Variants in RASGRF2 observed in about 807,000 individuals in gnomAD.
RASGRF2 encodes the protein Ras protein specific guanine nucleotide releasing factor 2, also known as ras-specific guanine nucleotide-releasing factor 2.
A neutral mutation model predicts 151.0 loss-of-function variants in RASGRF2; 76 were observed. That is an observed-to-expected ratio of 0.50 (90% CI 0.42 to 0.61). The LOEUF is 0.61. Ranked by LOEUF, RASGRF2 falls within the 20% of genes least tolerant of loss-of-function variation. The pLI is 0.00. For synonymous variants in RASGRF2, 504 were observed against 566.5 expected, an observed-to-expected ratio of 0.89 and a Z score of 1.57; for missense variants, 1,148 against 1,564.6, an observed-to-expected ratio of 0.73 and a Z score of 4.49.
chr5:80,994,637 ACTCTCCTGTGTGACTGC>A (rs759999231), intron 1 of RASGRF2, among the ~76,000 whole-genome samples: 12 of 152,056 alleles, frequency 7.9e-5, no homozygotes, highest in South Asian at 2.1e-4. Flanking sequence ...GGTATTGTGG[ACTCTCCTGTGTGACTGC>A]CTCTCCTGTG....
chr5:81,114,943 A>G (rs1288353786), intron 15 of RASGRF2: 1 of 152,214 alleles, frequency 6.6e-6, no homozygotes, highest in African/African-American at 2.4e-5. Flanking sequence ...TCAGCTTGGT[A>G]CGGTGTAGGG....
At chr5:81,137,075 A>G (rs1753772534) in intron 17 of RASGRF2, among the ~76,000 whole-genome samples, 1 of 152,288 alleles carries the variant, frequency 6.6e-6, no homozygotes, top group East Asian at 1.9e-4. Flanking sequence ...CAATGGCTCA[A>G]CTTACAACTT....
In RASGRF2 at chr5:81,059,018, T is replaced by G. The variant is rs531131069; in HGVS notation, c.396-9014T>G. ...ATTATTATTGTAATAGTTCCAACTC[T>G]TCCCCCTTCTCCTCTTGTGCTCCAC... On this transcript the variant is annotated intron_variant, in intron 2 of 26. Transcript: ENST00000265080. 1.2e-4 allele frequency among the ~76,000 whole-genome samples: 19 copies of G among 152,258 alleles called. No individual in the cohort carries two copies. In the South Asian group the frequency reaches 3.7e-3, roughly 30 times the overall value.
chr5:81,102,391 T>A (rs1011305832), intron 12 of RASGRF2, among the ~76,000 whole-genome samples: 1 of 152,152 alleles, frequency 6.6e-6, no homozygotes, highest in African/African-American at 2.4e-5. Flanking sequence ...TTTTTAAAAA[T>A]CTTCTTTTTA....
intron 1 of RASGRF2, among the ~76,000 whole-genome samples, chr5:80,971,567 A>ATTTT (rs775200485): frequency 2.9e-4 from 38 of 131,286 alleles, no homozygotes; most frequent in South Asian, 9.8e-4. Context: ...CACACCTGGT[A>ATTTT]TTTTTTTTTT....
At chr5:81,037,034 A>G (rs1750523010) in intron 1 of RASGRF2, among the ~76,000 whole-genome samples, 1 of 152,140 alleles carries the variant, frequency 6.6e-6, no homozygotes, top group Admixed American at 6.6e-5. Context: ...GAGCAAAGGG[A>G]TGTCTTACAT....
At chr5:81,034,213 G>A (rs1440801612) in intron 1 of RASGRF2, among the ~76,000 whole-genome samples, 4 of 152,116 alleles carry the variant, frequency 2.6e-5, no homozygotes, top group Admixed American at 2.0e-4. Flanking sequence ...CACCATCACT[G>A]GCCATCAGAG....
chr5:81,103,521 T>G (rs2112524394), intron 12 of RASGRF2, among the ~76,000 whole-genome samples: 1 of 152,096 alleles, frequency 6.6e-6, no homozygotes, highest in Middle Eastern at 3.4e-3. Context: ...TTCAAGGGAA[T>G]AGAAAAGATG....
intron 17 of RASGRF2, among the ~76,000 whole-genome samples, chr5:81,150,149 A>G (rs1754100695): frequency 6.6e-6 from 1 of 152,226 alleles, no homozygotes; most frequent in Non-Finnish European, 1.5e-5. Flanking sequence ...TAAGGGCCTT[A>G]GGGAGAATGG....
chr5:81,120,795 A>T (rs1253032809), intron 15 of RASGRF2, among the ~76,000 whole-genome samples: 3 of 152,236 alleles, frequency 2.0e-5, no homozygotes. Flanking sequence ...ATTGTGATTC[A>T]TATTGAAGGC....
chr5:81,085,090 C>T (rs975117803), intron 7 of RASGRF2, among the ~76,000 whole-genome samples: 5 of 152,130 alleles, frequency 3.3e-5, no homozygotes, highest in African/African-American at 7.2e-5. Flanking sequence ...GTCTAACCCC[C>T]GAGTGGGTAA....
At chr5:81,021,893 G>C (rs1042602167) in intron 1 of RASGRF2, among the ~76,000 whole-genome samples, 1 of 152,110 alleles carries the variant, frequency 6.6e-6, no homozygotes, top group Non-Finnish European at 1.5e-5. Context: ...GAAGTATGGG[G>C]ATCACTGATT....
In RASGRF2 at chr5:80,960,900, C is replaced by A; in HGVS notation, c.162C>A (p.Phe54Leu). Residue 54 changes from phenylalanine to leucine, a missense_variant, in exon 1 of 27, where the codon TTC becomes TTA. Physicochemically the swap from Phe to Leu is conservative, Grantham distance 22. Around this residue, in one of 5 missense-constraint regions of RASGRF2, gnomAD observed 221 missense variants for 271.3 expected, o/e 0.81. Transcript: ENST00000265080. This position sits in a 1 kb window ranked among gnomAD's most constrained non-coding sequence, Gnocchi z 5.5. ...FALYQNVLFYFEGEQSCRPAG... is the reference protein window; with the variant it reads ...FALYQNVLFYLEGEQSCRPAG... ...TCTACCAGAATGTGCTCTTCTACTT[C>A]GAGGGCGAGCAGAGCTGCCGCCCGG... 6.2e-7 allele frequency: 1 copy of A among 1,608,384 alleles called. No homozygotes were observed. Among genetic ancestry groups the A allele is most frequent in the Non-Finnish European group, 8.5e-7 (1 of 1,175,942 alleles).
intron 17 of RASGRF2, among the ~76,000 whole-genome samples, chr5:81,174,939 T>A (rs1754741143): frequency 6.6e-6 from 1 of 152,224 alleles, no homozygotes; most frequent in South Asian, 2.1e-4. Flanking sequence ...AATAGCCAAA[T>A]AGCGTCTTCT....
At chr5:80,968,819 G>C (rs769379688) in intron 1 of RASGRF2, among the ~76,000 whole-genome samples, 3 of 152,032 alleles carry the variant, frequency 2.0e-5, no homozygotes, top group Admixed American at 1.3e-4. Flanking sequence ...AAGTAGTTGG[G>C]ACTACAAATG....
chr5:81,058,660 A>G (rs778323045), intron 2 of RASGRF2, among the ~76,000 whole-genome samples: 40 of 151,626 alleles, frequency 2.6e-4, no homozygotes, highest in South Asian at 1.3e-3. Context: ...ACAATTGGCC[A>G]TGTGTGATAG....
At chr5:81,118,532 C>T (rs1753221136) in intron 15 of RASGRF2, among the ~76,000 whole-genome samples, 1 of 152,192 alleles carries the variant, frequency 6.6e-6, no homozygotes, top group Admixed American at 6.5e-5. Context: ...GTCTTTCTCC[C>T]ATTGTCTTAA....
At chr5:81,099,693 G>A (rs984032369) in intron 12 of RASGRF2, among the ~76,000 whole-genome samples, 1 of 152,120 alleles carries the variant, frequency 6.6e-6, no homozygotes, top group Non-Finnish European at 1.5e-5. Flanking sequence ...TCATGGAAAA[G>A]TGTTTTTGCC....
chr5:81,048,260 G>A (rs1750900255), intron 2 of RASGRF2, among the ~76,000 whole-genome samples: 1 of 152,172 alleles, frequency 6.6e-6, no homozygotes, highest in Admixed American at 6.5e-5. Flanking sequence ...AGATGAAAAT[G>A]TGGATTTTGT....
Sources: gnomAD v4.1 joint callset for allele counts (sites outside exome capture counted in the v4.1 genomes callset) on GRCh38, gnomAD v4.1.1 for gene constraint, gnomAD v4.1.1 regional missense constraint, Gnocchi (gnomAD v3.1) non-coding constraint, MANE v1.5 for transcripts, NCBI Gene and HGNC (gene_info 2026-07-23, HGNC 2026-07-21) for gene names.